Variants in APBB2 observed in about 807,000 individuals in gnomAD.
APBB2 encodes Fe65-like 1.
APBB2 carries 38 observed loss-of-function variants against 82.5 expected under a neutral mutation model. The observed-to-expected ratio is 0.46, with a 90% CI of 0.36 to 0.60. APBB2 has a LOEUF of 0.60. Among genes scored for constraint, APBB2 ranks in the 20% least tolerant of loss-of-function variants. The pLI, the probability that APBB2 is intolerant of heterozygous loss-of-function variation, is 0.00. For synonymous variants in APBB2, 341 were observed against 368.2 expected (o/e 0.93, Z 0.85); for missense variants, 772 against 972.3 (o/e 0.79, Z 2.74).
intron 10 of APBB2, among the ~76,000 whole-genome samples, chr4:40,924,121 C>A (rs957802104): frequency 6.6e-6 from 1 of 152,198 alleles, no homozygotes; most frequent in Non-Finnish European, 1.5e-5. Context: ...ACTTTCTCTG[C>A]GCCTTCTGCT....
intron 6 of APBB2, among the ~76,000 whole-genome samples, chr4:40,945,376 ACCAGAAT>A (rs1019824148): frequency 1.7e-4 from 26 of 152,252 alleles, no homozygotes; most frequent in African/African-American, 6.3e-4. Flanking sequence ...AAAGCTCCAA[ACCAGAAT>A]CAATTTCCCA....
At chr4:41,176,092 C>A (rs1297266951) in intron 1 of APBB2, among the ~76,000 whole-genome samples, 1 of 152,082 alleles carries the variant, frequency 6.6e-6, no homozygotes, top group Non-Finnish European at 1.5e-5. Context: ...TCATGATATT[C>A]CCAGATAAGA....
chr4:40,934,518 T>C lies in APBB2; in HGVS notation c.1194-2A>G. On this transcript the variant is annotated splice_acceptor_variant, in intron 9 of 17. Transcript: ENST00000508593. LOFTEE classifies it high-confidence loss of function. The stretch of plus-strand genomic sequence containing the variant: ...TCATCATCAGGGTGTGGGGCATTTC[T>C]AGGCAGAAAAACAGAAAAGTGGACT... 6.2e-7 allele frequency: 1 copy of C among 1,614,174 alleles called. No individual in the cohort carries two copies. The highest frequency in any genetic ancestry group is 8.5e-7 in the Non-Finnish European group (1 of 1,179,994).
chr4:40,934,933 G>T, intron 8 of APBB2, 144 bp downstream of exon 8: 1 of 735,914 alleles, frequency 1.4e-6, no homozygotes, highest in Non-Finnish European at 2.2e-6. Flanking sequence ...GGCAACAGGA[G>T]TGTGAGCTGA....
intron 6 of APBB2, among the ~76,000 whole-genome samples, chr4:41,009,322 T>C (rs1328308236): frequency 6.6e-6 from 1 of 151,822 alleles, no homozygotes; most frequent in East Asian, 1.9e-4. Context: ...CTTTAACTTT[T>C]CTAAACTCCT....
At chr4:41,013,298 C>T (rs1808904250) in intron 6 of APBB2, among the ~76,000 whole-genome samples, 1 of 152,120 alleles carries the variant, frequency 6.6e-6, no homozygotes. Context: ...AGTGTAATTT[C>T]TAAATATATG....
intron 1 of APBB2, among the ~76,000 whole-genome samples, chr4:41,196,538 C>T: frequency 6.6e-6 from 1 of 151,896 alleles, no homozygotes; most frequent in Non-Finnish European, 1.5e-5. Flanking sequence ...TCCCCCAAAA[C>T]CTCACTGCCC....
intron 1 of APBB2, among the ~76,000 whole-genome samples, chr4:41,163,290 T>C (rs879858125): frequency 3.9e-5 from 6 of 152,202 alleles, no homozygotes; most frequent in African/African-American, 9.7e-5. Context: ...TCATCACGCA[T>C]TTTTGAATAG....
intron 10 of APBB2, among the ~76,000 whole-genome samples, chr4:40,899,018 C>T (rs1009431846): frequency 1.3e-5 from 2 of 152,166 alleles, no homozygotes; most frequent in African/African-American, 4.8e-5. Flanking sequence ...CTGCTATAGA[C>T]AGATGGCTCC....
chr4:41,138,821 T>C (rs955187005), intron 2 of APBB2, among the ~76,000 whole-genome samples: 2 of 152,146 alleles, frequency 1.3e-5, no homozygotes, highest in Admixed American at 1.3e-4. Context: ...TAATCTGGTA[T>C]ATAGAAAATA....
chr4:41,192,065 T>C (rs777615724), intron 1 of APBB2, among the ~76,000 whole-genome samples: 13 of 152,212 alleles, frequency 8.5e-5, no homozygotes, highest in Non-Finnish European at 1.8e-4. Context: ...GAAATGCAAA[T>C]TGAAATTAAA....
At chr4:41,203,742 T>C (rs6842814) in intron 1 of APBB2, among the ~76,000 whole-genome samples, 43,145 of 151,954 alleles carry the variant, frequency 0.28, 8,096 homozygotes, top group African/African-American at 0.54. Context: ...GTTCCCTTCC[T>C]GTGTGAACTG....
At chr4:40,951,949 G>A (rs1790286439) in intron 6 of APBB2, among the ~76,000 whole-genome samples, 1 of 151,564 alleles carries the variant, frequency 6.6e-6, no homozygotes, top group South Asian at 2.1e-4. Context: ...ACTTTGAGAG[G>A]CCAAGGGGGG....
intron 1 of APBB2, among the ~76,000 whole-genome samples, chr4:41,213,952 A>G (rs1779984945): frequency 6.6e-6 from 1 of 152,148 alleles, no homozygotes; most frequent in Non-Finnish European, 1.5e-5. Flanking sequence ...TGCCAGGACA[A>G]GGGGGTGTGC....
intron 4 of APBB2, among the ~76,000 whole-genome samples, chr4:41,044,050 G>A (rs553801528): frequency 6.6e-6 from 1 of 152,288 alleles, no homozygotes; most frequent in African/African-American, 2.4e-5. Context: ...CATTTCTAAT[G>A]TTAGCAGCCA....
chr4:40,924,385 C>T (rs745389526), intron 10 of APBB2, among the ~76,000 whole-genome samples: 8 of 152,316 alleles, frequency 5.3e-5, no homozygotes, highest in African/African-American at 1.7e-4. Context: ...TAAAACCTCC[C>T]GTCCTATGCG....
chr4:40,978,036 TACA>T (rs1184492478), intron 6 of APBB2, among the ~76,000 whole-genome samples: 2 of 152,246 alleles, frequency 1.3e-5, no homozygotes, highest in African/African-American at 2.4e-5. Context: ...CTTTTGTACC[TACA>T]ACAAGGTGCT....
At chr4:40,933,692 T>G (rs1212614422) in intron 10 of APBB2, among the ~76,000 whole-genome samples, 3 of 152,184 alleles carry the variant, frequency 2.0e-5, no homozygotes, top group Non-Finnish European at 4.4e-5. Flanking sequence ...GGGCCTGAGA[T>G]GCCGGGGGGC....
In APBB2 at chr4:40,982,372, AAGGAAGGAAGGAAGG is replaced by A. The variant is rs1191130635; in HGVS notation, c.835+31196_835+31210del. Among the ~76,000 whole-genome samples, 108 of 15,582 alleles carry A rather than the reference AAGGAAGGAAGGAAGG, an allele frequency of 6.9e-3. 6 individuals carry two copies. The highest frequency in any genetic ancestry group is 0.031 in the East Asian group (8 of 258). The allele number at this position is 15,582 out of a possible 152,430, so 10.2% of individuals were successfully genotyped here. A position where few individuals can be genotyped will look rare whatever the true frequency, so the allele number is the denominator to read the frequency against. On this transcript the variant is annotated intron_variant, in intron 6 of 17. Transcript: ENST00000508593. ...GAAGGAAGGAAGGAAGGAAGGAAGG[AAGGAAGGAAGGAAGG>A]AAGGAAAGGAAAGGAAAGAAAGAAA... is the stretch of plus-strand genomic sequence containing the variant.
Sources: allele counts gnomAD v4.1 joint callset (sites outside exome capture counted in the v4.1 genomes callset), GRCh38; gene constraint gnomAD v4.1.1; transcripts MANE v1.5; gene names NCBI Gene and HGNC (gene_info 2026-07-23, HGNC 2026-07-21).